The following GCNT1 variants were observed in gnomAD, a reference collection of about 807,000 sequenced individuals.
GCNT1 encodes beta-1,3-galactosyl-O-glycosyl-glycoprotein beta-1,6-N-acetylglucosaminyltransferase.
A neutral mutation model predicts 26.2 loss-of-function variants in GCNT1; 16 were observed. That is an observed-to-expected ratio of 0.61 (90% CI 0.41 to 0.93). The LOEUF (loss-of-function observed/expected upper bound fraction) is 0.93, where lower values mean the gene tolerates loss of function less well. Among genes scored for constraint, GCNT1 ranks in the 40% least tolerant of loss-of-function variants. The pLI, the probability that GCNT1 is intolerant of heterozygous loss-of-function variation, is 0.00. For missense variants in GCNT1, 477 were observed against 526.7 expected, an observed-to-expected ratio of 0.91 and a Z score of 0.92; for synonymous variants, 183 against 190.8, an observed-to-expected ratio of 0.96 and a Z score of 0.34.
At chr9:76,485,482 T>A (rs1256597628) in intron 2 of GCNT1, among the ~76,000 whole-genome samples, 1 of 152,152 alleles carries the variant, frequency 6.6e-6, no homozygotes, top group Non-Finnish European at 1.5e-5. Flanking sequence ...GGCCTGCACC[T>A]GGCCTGCATT....
Position 76,502,280 on chromosome 9 carries a change from T to A in GCNT1, c.-102T>A. 1.4e-6 allele frequency: 1 copy of A among 691,290 alleles called. No individual in the cohort carries two copies. The allele number at this position is 691,290 out of a possible 1,614,324, so 42.8% of individuals were successfully genotyped here. A position where few individuals can be genotyped will look rare whatever the true frequency, so the allele number is the denominator to read the frequency against. On this transcript the variant is annotated 5_prime_UTR_variant, in exon 4 of 4. An upstream start codon of the reference 5' UTR is lost. Transcript: ENST00000376730. Reference sequence around the variant, plus strand: ...AAGATGCCGTTGCAGCTCTGATAAATGCAAACTGACAACCTTCAAGGCCAC... The same window carrying A: ...AAGATGCCGTTGCAGCTCTGATAAAAGCAAACTGACAACCTTCAAGGCCAC...
chr9:76,493,262 G>C (rs576897282), intron 2 of GCNT1, among the ~76,000 whole-genome samples: 31 of 152,244 alleles, frequency 2.0e-4, no homozygotes, highest in South Asian at 1.2e-3. Flanking sequence ...CTTGCTGACC[G>C]GTAGGGAATT....
chr9:76,410,933 A>G, the GCNT1 span, among the ~76,000 whole-genome samples: 4 of 152,222 alleles, frequency 2.6e-5, no homozygotes, highest in Non-Finnish European at 5.9e-5. Context: ...TTTATCCATT[A>G]TATAATGCCA....
chr9:76,453,005 C>A (rs2131588156), intron 1 of GCNT1, among the ~76,000 whole-genome samples: 1 of 152,332 alleles, frequency 6.6e-6, no homozygotes, highest in South Asian at 2.1e-4. Context: ...CTCACACAGC[C>A]CCTGCTGCTT....
intron 1 of GCNT1, among the ~76,000 whole-genome samples, chr9:76,443,424 G>A (rs1317185847): frequency 6.6e-6 from 1 of 152,180 alleles, no homozygotes; most frequent in Non-Finnish European, 1.5e-5. Flanking sequence ...GGAAACGAAG[G>A]GATGGGCCGA....
At chr9:76,499,444 G>A (rs979293674) in intron 2 of GCNT1, among the ~76,000 whole-genome samples, 10 of 152,118 alleles carry the variant, frequency 6.6e-5, no homozygotes, top group African/African-American at 1.4e-4. Flanking sequence ...CTTTCTGCGC[G>A]TTGAATATGT....
At chr9:76,420,865 G>A (rs1411966460) in intron 1 of GCNT1, among the ~76,000 whole-genome samples, 2 of 146,784 alleles carry the variant, frequency 1.4e-5, no homozygotes, top group African/African-American at 5.0e-5. Context: ...CTTGAGGCCA[G>A]AAGTTCAAGA....
chr9:76,463,927 GGCTCACACCTGTAATCCTA>G (rs1158832337), intron 2 of GCNT1, among the ~76,000 whole-genome samples: 2 of 152,102 alleles, frequency 1.3e-5, no homozygotes, highest in East Asian at 3.9e-4. Flanking sequence ...CAGGTATGGT[GGCTCACACCTGTAATCCTA>G]GCACTTTGGG....
chr9:76,394,363 A>C, the GCNT1 span: 131 of 472,148 alleles, frequency 2.8e-4, no homozygotes, highest in East Asian at 5.5e-4. Flanking sequence ...GACCCAACAA[A>C]TACCGCCGGG....
the GCNT1 span, chr9:76,394,439 C>G: frequency 5.6e-6 from 2 of 354,284 alleles, no homozygotes; most frequent in South Asian, 5.7e-5. Flanking sequence ...CGGGTGTGAG[C>G]GGGGTGGGGG....
chr9:76,496,402 G>A (rs1824907192), intron 2 of GCNT1, among the ~76,000 whole-genome samples: 1 of 152,208 alleles, frequency 6.6e-6, no homozygotes, highest in Admixed American at 6.5e-5. Context: ...AAATAGAGCT[G>A]GTCTGTTCTT....
chr9:76,483,953 C>T (rs377126824), intron 2 of GCNT1, among the ~76,000 whole-genome samples: 3 of 152,094 alleles, frequency 2.0e-5, no homozygotes, highest in South Asian at 2.1e-4. Flanking sequence ...TAGCTGGGAT[C>T]GTAAGTGTGT....
intron 1 of GCNT1, among the ~76,000 whole-genome samples, chr9:76,424,955 C>G (rs1482940547): frequency 6.6e-6 from 1 of 151,930 alleles, no homozygotes; most frequent in Non-Finnish European, 1.5e-5. Context: ...CTGGCTAACA[C>G]AGTGAAACCC....
chr9:76,405,264 G>C, the GCNT1 span, among the ~76,000 whole-genome samples: 1 of 146,552 alleles, frequency 6.8e-6, no homozygotes, highest in Non-Finnish European at 1.5e-5. Context: ...AGTACAGAAA[G>C]TTCCCATATA....
At chr9:76,427,504 G>T (rs545934961) in intron 1 of GCNT1, among the ~76,000 whole-genome samples, 1 of 152,106 alleles carries the variant, frequency 6.6e-6, no homozygotes, top group East Asian at 1.9e-4. Context: ...TCTGACAGGG[G>T]TATAAATTGG....
At chr9:76,420,519 C>G (rs1463171309) in intron 1 of GCNT1, 1 of 151,490 alleles carries the variant, frequency 6.6e-6, no homozygotes, top group Non-Finnish European at 1.5e-5. Flanking sequence ...AAGCAATTCT[C>G]CAGGCTCAGC....
chr9:76,399,245 C>A, the GCNT1 span: 4 of 1,479,576 alleles, frequency 2.7e-6, no homozygotes, highest in Admixed American at 1.7e-5. Flanking sequence ...TCGGGAAGTT[C>A]TGCGCATGTG....
intron 2 of GCNT1, among the ~76,000 whole-genome samples, chr9:76,472,621 A>G (rs1174433214): frequency 6.6e-6 from 1 of 152,212 alleles, no homozygotes; most frequent in Non-Finnish European, 1.5e-5. Context: ...AGTTTGAGAA[A>G]TGCTGAATAC....
At chr9:76,493,628 C>A (rs996157734) in intron 2 of GCNT1, among the ~76,000 whole-genome samples, 2 of 152,048 alleles carry the variant, frequency 1.3e-5, no homozygotes, top group Non-Finnish European at 2.9e-5. Flanking sequence ...GATTTCTTTG[C>A]TTGTTTCCTT....
Sources: gnomAD v4.1 joint callset for allele counts (sites outside exome capture counted in the v4.1 genomes callset) on GRCh38, gnomAD v4.1.1 for gene constraint, MANE v1.5 for transcripts, NCBI Gene and HGNC (gene_info 2026-07-23, HGNC 2026-07-21) for gene names.